MYO1F: variants seen among roughly 807,000 people sequenced by gnomAD.
MYO1F encodes unconventional myosin-If.
Under a neutral mutation model 146.6 loss-of-function variants are expected in MYO1F, and 60 were observed. The observed-to-expected ratio is 0.41, with a 90% CI of 0.33 to 0.51. MYO1F has a LOEUF of 0.51. MYO1F is among the 20% of genes least tolerant of loss of function. The pLI, the probability that MYO1F is intolerant of heterozygous loss-of-function variation, is 0.25. For missense variants in MYO1F, 1,274 were observed against 1,534.3 expected (o/e 0.83, Z 2.83); for synonymous variants, 602 against 602.1 (o/e 1.00, Z 0.00).
rs758850061 is a variant in MYO1F at position 8,553,424 on chromosome 19, C to T, written c.340G>A (p.Ala114Thr). 1.9e-6 allele frequency: 3 copies of T among 1,613,958 alleles called. No homozygotes were observed. Among genetic ancestry groups the T allele is most frequent in the Non-Finnish European group, 2.5e-6 (3 of 1,179,832 alleles). Residue 114 changes from alanine (A) to threonine (T), a missense_variant, in exon 5 of 28, where the codon GCT (alanine) becomes ACT (threonine). Ala to Thr is a moderately conservative substitution (Grantham distance 58). Transcript: ENST00000644032. The part of the protein sequence containing the change: ...QCVIISGESG[A>T]GKTVAAKYIM... ...TATTTGGCTGCCACTGTCTTCCCAG[C>T]TCCACTCTCTCCACTGGGGATGAAT...
At chr19:8,527,243 GT>G in intron 22 of MYO1F, 94 bp downstream of exon 22, 2 of 1,541,254 alleles carry the variant, frequency 1.3e-6, no homozygotes, top group Non-Finnish European at 1.8e-6. Flanking sequence ...ATGGCACCAG[GT>G]AAGATTGTCA....
intron 1 of MYO1F, among the ~76,000 whole-genome samples, chr19:8,574,587 CTCTCTCTCTCTT>C (rs1490225521): frequency 3.7e-4 from 30 of 81,478 alleles, no homozygotes; most frequent in African/African-American, 1.7e-3. Context: ...TTCTCTCTCT[CTCTCTCTCTCTT>C]TCTTTCTTTC....
At chr19:8,544,863 T>C (rs1378888886) in intron 13 of MYO1F, among the ~76,000 whole-genome samples, 1 of 152,032 alleles carries the variant, frequency 6.6e-6, no homozygotes, top group Non-Finnish European at 1.5e-5. Flanking sequence ...GCAGCCTCCA[T>C]CTCCCAGGTT....
Position 8,530,536 on chromosome 19 carries a change from T to G in MYO1F, c.2081A>C (p.Asp694Ala), listed in dbSNP as rs964105100. The G allele has an allele frequency of 1.8e-5, 29 of 1,613,172 alleles. No individual in the cohort carries two copies. The highest frequency in any genetic ancestry group is 2.4e-5 in the Non-Finnish European group (28 of 1,180,022). ...CTTCTGGATGGTTCGGGCAAAGCCA[T>G]CGAACTTTCGCTCTCGCACCTCCTC... ...LLEEVRERKFDGFARTIQKAW... is the reference protein window; with the variant it reads ...LLEEVRERKFAGFARTIQKAW... The change falls in exon 20 of 28, where the codon GAT becomes GCT. Residue 694 changes from aspartate to alanine, a missense_variant. This residue lies in a region of MYO1F where 900 missense variants were observed against 1,155.1 expected (regional missense o/e 0.78). Coordinates refer to ENST00000644032, the MANE Select transcript of MYO1F (RefSeq NM_012335.4). This position sits in a 1 kb window ranked among gnomAD's most constrained non-coding sequence, Gnocchi z 5.8.
chr19:8,537,201 T>C, intron 16 of MYO1F, 146 bp from the exon 17 acceptor site: 1 of 654,384 alleles, frequency 1.5e-6, no homozygotes, highest in Non-Finnish European at 2.8e-6. Flanking sequence ...GGGCCAGATG[T>C]CCCTGGTCTG....
intron 1 of MYO1F, among the ~76,000 whole-genome samples, chr19:8,558,319 A>G (rs1973941104): frequency 6.6e-6 from 1 of 151,414 alleles, no homozygotes; most frequent in Non-Finnish European, 1.5e-5. Flanking sequence ...GTGTGCCACC[A>G]TGCCCAGCTA....
chr19:8,563,294 CTTTTTT>C (rs938198498), intron 1 of MYO1F, among the ~76,000 whole-genome samples: 1 of 118,650 alleles, frequency 8.4e-6, no homozygotes, highest in South Asian at 2.8e-4. Context: ...TGCTTGGCCA[CTTTTTT>C]TTTTTTTTTT....
chr19:8,550,569 A>G lies in MYO1F; in HGVS notation c.897T>C (p.Ser299=), dbSNP rs564337067. 6.2e-7 allele frequency: 1 copy of G among 1,613,630 alleles called. No homozygotes were observed. The highest frequency in any genetic ancestry group is 2.2e-5 in the East Asian group (1 of 44,852). ...CEDGNYARVE[S]VDLLAFPAYL... Reference sequence around the variant, plus strand: ...CCTGATACCCACACTCACGGTCCACACTCTCCACTCGGGCGTAATTCCCGT... The same window carrying G: ...CCTGATACCCACACTCACGGTCCACGCTCTCCACTCGGGCGTAATTCCCGT... Residue 299 remains serine (S), a synonymous_variant, in exon 9 of 28, where the codon AGT becomes AGC. Coordinates refer to ENST00000644032, the MANE Select transcript of MYO1F (RefSeq NM_012335.4).
intron 1 of MYO1F, among the ~76,000 whole-genome samples, chr19:8,574,671 CTT>C (rs1423002141): frequency 2.9e-4 from 36 of 124,006 alleles, no homozygotes; most frequent in African/African-American, 6.4e-4. Flanking sequence ...TTCTTTCTCT[CTT>C]TCTTTCTTTC....
At chr19:8,574,577 TTCTCTCTCTCTCTCTCTC>T (rs369077601) in intron 1 of MYO1F, among the ~76,000 whole-genome samples, 34,271 of 77,186 alleles carry the variant, frequency 0.44, 6,544 homozygotes, top group East Asian at 0.63. Flanking sequence ...CTTTCTTTCT[TTCTCTCTCTCTCTCTCTC>T]TCTTTCTTTC....
At chr19:8,528,638 G>T (rs1972362868) in intron 21 of MYO1F, among the ~76,000 whole-genome samples, 1 of 152,154 alleles carries the variant, frequency 6.6e-6, no homozygotes, top group Non-Finnish European at 1.5e-5. Flanking sequence ...GCTAGAAAAG[G>T]GTGTTTGGGT....
chr19:8,524,131 A>AAG (rs1206989998), intron 25 of MYO1F, among the ~76,000 whole-genome samples: 4 of 144,792 alleles, frequency 2.8e-5, no homozygotes, highest in Non-Finnish European at 6.1e-5. Context: ...AAAAAAAAAA[A>AAG]AAAAAAAGGC....
In MYO1F at chr19:8,526,137, G is replaced by A. The variant is rs57842422; in HGVS notation, c.2770+316C>T. Among the ~76,000 whole-genome samples, 3,227 of 152,182 alleles carry A rather than the reference G, an allele frequency of 0.021. 114 individuals carry two copies. Among genetic ancestry groups the A allele is most frequent in the African/African-American group, 0.071 (2,957 of 41,514 alleles). ...AGGTAATGAGTTCAAGACCAGCCTG[G>A]CCAAGATGGTGAAACCCCGTCTCTA... On this transcript the variant is annotated intron_variant, in intron 24 of 27. Coordinates refer to ENST00000644032, the MANE Select transcript of MYO1F (RefSeq NM_012335.4).
At chr19:8,569,636 G>A (rs550741248) in intron 1 of MYO1F, among the ~76,000 whole-genome samples, 1 of 152,228 alleles carries the variant, frequency 6.6e-6, no homozygotes, top group East Asian at 1.9e-4. Flanking sequence ...TGTCTCAGTT[G>A]CCCAGAGGAG....
intron 8 of MYO1F, 92 bp downstream of exon 8, chr19:8,551,648 G>C: frequency 6.3e-7 from 1 of 1,582,454 alleles, no homozygotes; most frequent in South Asian, 1.1e-5. Context: ...CACATGCCTG[G>C]CCTGGGCTTC....
chr19:8,572,843 A>G (rs58596348), intron 1 of MYO1F, among the ~76,000 whole-genome samples: 110 of 152,254 alleles, frequency 7.2e-4, no homozygotes, highest in African/African-American at 2.6e-3. Flanking sequence ...CTACAGGTCC[A>G]TGCCACCATG....
intron 13 of MYO1F, 70 bp from the exon 14 acceptor site, chr19:8,544,534 A>G (rs1973254014): frequency 4.0e-6 from 5 of 1,259,326 alleles, no homozygotes; most frequent in Non-Finnish European, 4.2e-6. Context: ...TCGTCAGTGC[A>G]GAGATTAGGG....
intron 1 of MYO1F, among the ~76,000 whole-genome samples, chr19:8,559,645 G>A (rs1352973079): frequency 6.6e-6 from 1 of 151,988 alleles, no homozygotes; most frequent in African/African-American, 2.4e-5. Flanking sequence ...CCGAGGCTGA[G>A]GGGCATTTGA....
intron 1 of MYO1F, among the ~76,000 whole-genome samples, chr19:8,567,259 G>T (rs1009312490): frequency 6.6e-6 from 1 of 151,698 alleles, no homozygotes; most frequent in South Asian, 2.1e-4. Context: ...AGAGATGGGG[G>T]TTTCACCATC....
Sources: allele counts gnomAD v4.1 joint callset (sites outside exome capture counted in the v4.1 genomes callset), GRCh38; gene constraint gnomAD v4.1.1; regional missense constraint gnomAD v4.1.1; non-coding constraint Gnocchi (gnomAD v3.1); transcripts MANE v1.5; gene names NCBI Gene and HGNC (gene_info 2026-07-23, HGNC 2026-07-21).